The following ADCK1 variants were observed in gnomAD, a reference collection of about 807,000 sequenced individuals.
ADCK1 encodes aarF domain-containing protein kinase 1.
Under a neutral mutation model 52.3 loss-of-function variants are expected in ADCK1, and 41 were observed. The ratio of observed to expected loss-of-function variants is 0.78; its 90% CI spans 0.61 to 1.02. The LOEUF is 1.02. Ranked by LOEUF, ADCK1 falls within the 50% of genes least tolerant of loss-of-function variation. ADCK1 has a pLI of 0.00. For missense variants in ADCK1, 658 were observed against 679.5 expected (o/e 0.97, Z 0.35); for synonymous variants, 250 against 274.6 (o/e 0.91, Z 0.89).
At position 77,898,072 on chromosome 14, in the gene ADCK1, A is replaced by G. The variant is rs189799215; in HGVS notation, c.583-1028A>G. On this transcript the variant is annotated intron_variant, in intron 5 of 10. Transcript: ENST00000238561. Reference sequence around the variant, plus strand: ...CAGGAGCTTGAGACCAACCTGGGCAACACAGTGAGACTCTGTCTCTACAAA... The same window carrying G: ...CAGGAGCTTGAGACCAACCTGGGCAGCACAGTGAGACTCTGTCTCTACAAA... Among the ~76,000 whole-genome samples, 81 of 152,344 alleles carry G rather than the reference A, an allele frequency of 5.3e-4. No individual in the cohort carries two copies. The East Asian group carries it at 0.013, about 24-fold the overall frequency.
At chr14:77,905,676 C>T (rs1215603761) in intron 6 of ADCK1, among the ~76,000 whole-genome samples, 3 of 151,846 alleles carry the variant, frequency 2.0e-5, no homozygotes, top group African/African-American at 7.3e-5. Context: ...AGGCAGGGCA[C>T]GGTGGCTCAC....
chr14:77,852,044 G>C (rs955028366), intron 3 of ADCK1, among the ~76,000 whole-genome samples: 1 of 151,848 alleles, frequency 6.6e-6, no homozygotes, highest in Admixed American at 6.6e-5. Flanking sequence ...TGTTGCCCAG[G>C]CTGGAGTGCA....
At chr14:77,812,342 T>C (rs569346058) in intron 1 of ADCK1, among the ~76,000 whole-genome samples, 1 of 152,318 alleles carries the variant, frequency 6.6e-6, no homozygotes, top group East Asian at 1.9e-4. Flanking sequence ...CTCTAAGAGT[T>C]TGACTTCTTT....
At chr14:77,809,558 G>C (rs1056448228) in intron 1 of ADCK1, among the ~76,000 whole-genome samples, 5 of 151,800 alleles carry the variant, frequency 3.3e-5, no homozygotes, top group Non-Finnish European at 7.4e-5. Flanking sequence ...TTGAACTCCT[G>C]ACCTCAGGTG....
chr14:77,868,961 C>G (rs932093771), intron 4 of ADCK1, among the ~76,000 whole-genome samples: 1 of 152,060 alleles, frequency 6.6e-6, no homozygotes, highest in Non-Finnish European at 1.5e-5. Flanking sequence ...TTGGGAAGTT[C>G]AGGGGAAGTT....
chr14:77,866,172 C>G (rs911478976), intron 4 of ADCK1, among the ~76,000 whole-genome samples: 1 of 152,154 alleles, frequency 6.6e-6, no homozygotes, highest in African/African-American at 2.4e-5. Context: ...CTGTTCTTTT[C>G]AGAATATGAG....
At chr14:77,913,606 G>A (rs1243685972) in intron 7 of ADCK1, among the ~76,000 whole-genome samples, 1 of 152,226 alleles carries the variant, frequency 6.6e-6, no homozygotes, top group Non-Finnish European at 1.5e-5. Flanking sequence ...ACTATTGATT[G>A]CTGGACCTTT....
intron 1 of ADCK1, among the ~76,000 whole-genome samples, chr14:77,808,605 C>A (rs2081276545): frequency 6.6e-6 from 1 of 152,170 alleles, no homozygotes; most frequent in Non-Finnish European, 1.5e-5. Flanking sequence ...GACAGGGTTT[C>A]GTTCTTGTTG....
chr14:77,814,654 T>C (rs2081404436), intron 1 of ADCK1, among the ~76,000 whole-genome samples: 1 of 127,852 alleles, frequency 7.8e-6, no homozygotes, highest in Non-Finnish European at 1.5e-5. Context: ...GTTGAGATTG[T>C]GCCATTGCAT....
At chr14:77,882,963 C>T (rs549283465) in intron 4 of ADCK1, among the ~76,000 whole-genome samples, 21 of 136,012 alleles carry the variant, frequency 1.5e-4, no homozygotes, top group East Asian at 2.5e-4. Context: ...ACCACCCCCC[C>T]CCCCGTGCTT....
chr14:77,899,500 C>T (rs545438146), intron 6 of ADCK1, among the ~76,000 whole-genome samples: 4 of 152,298 alleles, frequency 2.6e-5, no homozygotes, highest in Non-Finnish European at 5.9e-5. Flanking sequence ...ATTGAATAAT[C>T]GACAACTACA....
intron 3 of ADCK1, among the ~76,000 whole-genome samples, chr14:77,855,860 G>A (rs2082406254): frequency 6.6e-6 from 1 of 152,134 alleles, no homozygotes; most frequent in Non-Finnish European, 1.5e-5. Context: ...GAAAAGGGAT[G>A]ATAAAAAAAT....
At chr14:77,892,990 A>T (rs1432257378) in intron 5 of ADCK1, among the ~76,000 whole-genome samples, 1 of 152,186 alleles carries the variant, frequency 6.6e-6, no homozygotes, top group Non-Finnish European at 1.5e-5. Context: ...GAAGGATGGC[A>T]GGGAAGGGAG....
chr14:77,899,268 A>G lies in ADCK1; in HGVS notation c.741+10A>G. Reference sequence around the variant, plus strand: ...TTTTGACTTCTTGAAGGTAGGTGGGACGATGCAATGCAGGGTATGGTGGTC... The same window carrying G: ...TTTTGACTTCTTGAAGGTAGGTGGGGCGATGCAATGCAGGGTATGGTGGTC... On this transcript the variant is annotated intron_variant, in intron 6 of 10. Transcript: ENST00000238561. 1 of 1,613,984 alleles carries G rather than the reference A, an allele frequency of 6.2e-7. No homozygotes were observed. The highest frequency in any genetic ancestry group is 8.5e-7 in the Non-Finnish European group (1 of 1,179,920).
chr14:77,883,128 G>A lies in ADCK1; in HGVS notation c.424-3963G>A, dbSNP rs370053794. Reference sequence around the variant, plus strand: ...CATCGATATATTTGAATCACGGGCCGACAGTAATTAAAAAGCACGTAACTA... The same window carrying A: ...CATCGATATATTTGAATCACGGGCCAACAGTAATTAAAAAGCACGTAACTA... On this transcript the variant is annotated intron_variant, in intron 4 of 10. Coordinates refer to ENST00000238561, the MANE Select transcript of ADCK1 (RefSeq NM_020421.4). 1.8e-4 allele frequency among the ~76,000 whole-genome samples: 28 copies of A among 152,078 alleles called. No individual in the cohort carries two copies. The South Asian group carries it at 3.1e-3, about 17-fold the overall frequency.
chr14:77,915,237 G>A (rs977796283), intron 7 of ADCK1, among the ~76,000 whole-genome samples: 1 of 151,200 alleles, frequency 6.6e-6, no homozygotes, highest in Non-Finnish European at 1.5e-5. Flanking sequence ...CAACGTGCAG[G>A]TTAGTTACAT....
intron 9 of ADCK1, 44 bp downstream of exon 9, chr14:77,926,005 G>T (rs371905405): frequency 1.2e-6 from 2 of 1,610,576 alleles, no homozygotes; most frequent in African/African-American, 2.7e-5. Flanking sequence ...AATGCAGAAG[G>T]CAGGGCTAGA....
chr14:77,857,727 T>A (rs889037642), intron 3 of ADCK1, among the ~76,000 whole-genome samples: 4 of 152,248 alleles, frequency 2.6e-5, no homozygotes. Context: ...TGTCAACTGT[T>A]ATTTAACTCC....
intron 3 of ADCK1, among the ~76,000 whole-genome samples, chr14:77,854,303 G>A (rs2082371247): frequency 6.6e-6 from 1 of 152,162 alleles, no homozygotes; most frequent in Non-Finnish European, 1.5e-5. Flanking sequence ...GTTGTAATCA[G>A]CAAGCTCCAG....
Sources: allele counts gnomAD v4.1 joint callset (sites outside exome capture counted in the v4.1 genomes callset), GRCh38; gene constraint gnomAD v4.1.1; transcripts MANE v1.5; gene names NCBI Gene and HGNC (gene_info 2026-07-23, HGNC 2026-07-21).